Variants in ZNF677 observed in about 807,000 individuals in gnomAD.
The protein encoded by ZNF677 is zinc finger protein 677.
ZNF677 carries 5 observed loss-of-function variants against 8.1 expected under a neutral mutation model. That is an observed-to-expected ratio of 0.62 (90% CI 0.32 to 1.29). The LOEUF is 1.29. Among genes scored for constraint, ZNF677 ranks in the 50% most tolerant of loss-of-function variants. The pLI, the probability that ZNF677 is intolerant of heterozygous loss-of-function variation, is 0.05. For missense variants in ZNF677, 685 were observed against 685.9 expected (o/e 1.00, Z 0.01); for synonymous variants, 221 against 225.6 (o/e 0.98, Z 0.18).
chr19:53,243,669 C>T (rs775911909), intron 4 of ZNF677, 75 bp downstream of exon 4: 9 of 1,588,980 alleles, frequency 5.7e-6, no homozygotes, highest in South Asian at 5.7e-5. Context: ...GAACAGGGAT[C>T]GGATTCAGAC....
Position 53,238,146 on chromosome 19 carries a change from C to T in ZNF677, c.581G>A (p.Ser194Asn). ...TAGTTCAGCCAGCTGTGCCTGTAAG[C>T]TTAATCCAATTTTATTTTCAAAACA... ...VKCFENKIGL[S>N]LQAQLAELQR... The change falls in exon 5 of 5, where the codon AGC (serine) becomes AAC (asparagine). Residue 194 changes from serine to asparagine, a missense_variant. Coordinates refer to ENST00000598513, the MANE Select transcript of ZNF677 (RefSeq NM_182609.4). The T allele has an allele frequency of 1.2e-6, 2 of 1,613,342 alleles. No individual in the cohort carries two copies. The highest frequency in any genetic ancestry group is 1.1e-5 in the South Asian group (1 of 90,916).
At chr19:53,253,543 C>T (rs1267932751) in intron 1 of ZNF677, among the ~76,000 whole-genome samples, 2 of 152,068 alleles carry the variant, frequency 1.3e-5, no homozygotes, top group Admixed American at 6.5e-5. Context: ...ACAAATTCAC[C>T]GGGCATGGTG....
chr19:53,244,030 AT>A (rs949218844), intron 3 of ZNF677, 133 bp from the exon 4 acceptor site: 65 of 808,114 alleles, frequency 8.0e-5, no homozygotes, highest in Non-Finnish European at 1.0e-4. Flanking sequence ...CCCTAATTTT[AT>A]TTTTTTTAAA....
chr19:53,243,702 A>G (rs763065623), intron 4 of ZNF677, 42 bp downstream of exon 4: 2 of 1,613,496 alleles, frequency 1.2e-6, no homozygotes, highest in Admixed American at 3.3e-5. Context: ...GCCTCCCAAG[A>G]GACTCACAAG....
At position 53,237,767 on chromosome 19, in the gene ZNF677, T is replaced by C. The variant is rs527776180; in HGVS notation, c.960A>G (p.Gln320=). ...QRVHTGEKPY[Q]CNICGKVCSQ... Reference sequence around the variant, plus strand: ...TACAGACCTTGCCACATATATTACATTGATATGGTTTCTCTCCTGTATGGA... The same window carrying C: ...TACAGACCTTGCCACATATATTACACTGATATGGTTTCTCTCCTGTATGGA... Residue 320 remains glutamine, a synonymous_variant, in exon 5 of 5, where the codon CAA becomes CAG. Coordinates refer to ENST00000598513, the MANE Select transcript of ZNF677 (RefSeq NM_182609.4). 313 of 1,613,686 alleles carry C rather than the reference T, an allele frequency of 1.9e-4. 3 individuals carry two copies. The South Asian group carries it at 3.1e-3, about 16-fold the overall frequency.
Position 53,237,023 on chromosome 19 carries a change from T to A in ZNF677, c.1704A>T (p.Glu568Asp), listed in dbSNP as rs768860099. The A allele has an allele frequency of 1.1e-5, 17 of 1,596,262 alleles. No individual in the cohort carries two copies. The South Asian group carries it at 2.0e-4, about 18-fold the overall frequency. Residue 568 changes from glutamate (E) to aspartate (D), a missense_variant, in exon 5 of 5, where the codon GAA becomes GAT. Glu to Asp is a conservative substitution (Grantham distance 45). Transcript: ENST00000598513. ...TTGTCTCATTATATTTGATATGTTT[T>A]TCTCTATTATAACTTTTTTGATGAT... The part of the protein sequence containing the change: ...LGDHQKSYNR[E>D]KHIKYNETKI...
Position 53,236,979 on chromosome 19 carries a change from CA to C in ZNF677, c.1747del (p.Cys583ValfsTer30). 1 of 1,550,424 alleles carries C rather than the reference CA, an allele frequency of 6.4e-7. No homozygotes were observed. The highest frequency in any genetic ancestry group is 8.7e-7 in the Non-Finnish European group (1 of 1,155,072). ...YNETKIKYSS[C>X]T ...ACAATGGAGCCCCTGATGCTAGGTA[CA>C]GCTTGAATACTTAATTTTTGTCTCA... On this transcript the variant is annotated frameshift_variant, in exon 5 of 5. Transcript: ENST00000598513. LOFTEE classifies it high-confidence loss of function.
At chr19:53,251,451 CAG>C (rs1486478655) in intron 3 of ZNF677, 83 bp downstream of exon 3, 114 of 1,118,696 alleles carry the variant, frequency 1.0e-4, no homozygotes, top group Non-Finnish European at 1.4e-4. Flanking sequence ...CAGGACACTT[CAG>C]AGTCAGATAA....
chr19:53,245,165 A>G (rs1345670542), intron 3 of ZNF677, among the ~76,000 whole-genome samples: 4 of 152,246 alleles, frequency 2.6e-5, no homozygotes, highest in Non-Finnish European at 5.9e-5. Context: ...TTTACCTGAA[A>G]TTGTAAAACT....
intron 1 of ZNF677, among the ~76,000 whole-genome samples, chr19:53,253,419 C>T (rs2091265330): frequency 6.6e-6 from 1 of 152,164 alleles, no homozygotes. Context: ...AGGCCAGGCG[C>T]GGTGGCTCAC....
chr19:53,238,086 C>T lies in ZNF677; in HGVS notation c.641G>A (p.Cys214Tyr). ...ATTGATAGACTTCTCAACTGGATTA[C>T]ATTCATACATTTTCTCCCCAGTTTG... ...RFQTGEKMYE[C>Y]NPVEKSINSS... The change falls in exon 5 of 5, where the codon TGT becomes TAT. Residue 214 changes from cysteine (C) to tyrosine (Y), a missense_variant. Cys to Tyr is a radical substitution (Grantham distance 194). Transcript: ENST00000598513. The T allele has an allele frequency of 6.2e-7, 1 of 1,614,058 alleles. No homozygotes were observed. The highest frequency in any genetic ancestry group is 8.5e-7 in the Non-Finnish European group (1 of 1,179,962).
At chr19:53,244,037 T>C (rs529342027) in intron 3 of ZNF677, 140 bp from the exon 4 acceptor site, 29 of 771,180 alleles carry the variant, frequency 3.8e-5, no homozygotes, top group Non-Finnish European at 5.7e-5. Context: ...TTTATTTTTT[T>C]TAAACTGAGA....
At chr19:53,246,766 A>C (rs2091149844) in intron 3 of ZNF677, among the ~76,000 whole-genome samples, 1 of 152,194 alleles carries the variant, frequency 6.6e-6, no homozygotes, top group Non-Finnish European at 1.5e-5. Context: ...TTTCAGTTAC[A>C]CAAGATGAAA....
chr19:53,237,178 AT>A lies in ZNF677; in HGVS notation c.1548del (p.Lys516AsnfsTer97). ...KKIHTGEKPY[K>X]CTECGKAFTQ... Reference sequence around the variant, plus strand: ...GTAAAAGCTTTGCCACATTCAGTACATTTGTAAGGTTTCTCTCCAGTATGGA... The same window carrying A: ...GTAAAAGCTTTGCCACATTCAGTACATTGTAAGGTTTCTCTCCAGTATGGA... On this transcript the variant is annotated frameshift_variant, in exon 5 of 5. Transcript: ENST00000598513. LOFTEE classifies it low-confidence loss of function (END_TRUNC). 6.2e-7 allele frequency: 1 copy of A among 1,612,968 alleles called. No homozygotes were observed. The highest frequency in any genetic ancestry group is 8.5e-7 in the Non-Finnish European group (1 of 1,179,330).
intron 3 of ZNF677, among the ~76,000 whole-genome samples, chr19:53,244,272 A>AG (rs2091102037): frequency 6.6e-6 from 1 of 152,168 alleles, no homozygotes; most frequent in South Asian, 2.1e-4. Flanking sequence ...CTGAGGTGGG[A>AG]GGATCACTTG....
Position 53,237,981 on chromosome 19 carries a change from A to G in ZNF677, c.746T>C (p.Leu249Ser). The G allele has an allele frequency of 6.2e-7, 1 of 1,612,860 alleles. No homozygotes were observed. Among genetic ancestry groups the G allele is most frequent in the Non-Finnish European group, 8.5e-7 (1 of 1,179,848 alleles). ...GTGTGTTCTCCCATACTGTGTATGTAATAAAGGGTATTTCAAAATCTTCCT... is the reference window on the plus strand; with the variant it reads ...GTGTGTTCTCCCATACTGTGTATGTGATAAAGGGTATTTCAAAATCTTCCT... ...KYRKILKYPL[L>S]HTQYGRTHIR... Residue 249 changes from leucine (L) to serine (S), a missense_variant, in exon 5 of 5, where the codon TTA (leucine) becomes TCA (serine). Transcript: ENST00000598513.
intron 3 of ZNF677, 29 bp from the exon 4 acceptor site, chr19:53,243,926 G>C: frequency 6.5e-7 from 1 of 1,542,140 alleles, no homozygotes; most frequent in South Asian, 1.2e-5. Flanking sequence ...TCACCAAGTG[G>C]ACACAGGAAA....
chr19:53,240,278 GCT>G (rs1302914495), intron 4 of ZNF677: 45 of 152,294 alleles, frequency 3.0e-4, no homozygotes, highest in African/African-American at 1.1e-3. Flanking sequence ...ATGGAGTCTC[GCT>G]CTGTTGCCCA....
intron 3 of ZNF677, 143 bp downstream of exon 3, chr19:53,251,393 T>C: frequency 2.9e-6 from 2 of 683,072 alleles, no homozygotes; most frequent in Non-Finnish European, 5.2e-6. Context: ...GGAATCTATG[T>C]GGAGATGGAA....
Sources: allele counts gnomAD v4.1 joint callset (sites outside exome capture counted in the v4.1 genomes callset), GRCh38; gene constraint gnomAD v4.1.1; transcripts MANE v1.5; gene names NCBI Gene and HGNC (gene_info 2026-07-23, HGNC 2026-07-21).